Variants in CDH8 observed in about 807,000 individuals in gnomAD.
The protein encoded by CDH8 is cadherin-8.
Under a neutral mutation model 68.1 loss-of-function variants are expected in CDH8, and 17 were observed. The observed-to-expected ratio is 0.25, with a 90% confidence interval of 0.17 to 0.37. The LOEUF (loss-of-function observed/expected upper bound fraction) is 0.37, where lower values mean the gene tolerates loss of function less well. Among genes scored for constraint, CDH8 ranks in the 10% least tolerant of loss-of-function variants. The pLI is 1.00. For missense variants in CDH8, 763 were observed against 999.3 expected (o/e 0.76, Z 3.19); for synonymous variants, 372 against 365.1 (o/e 1.02, Z -0.21).
chr16:61,890,462 TAATA>T (rs1327214603), intron 3 of CDH8, among the ~76,000 whole-genome samples: 36 of 152,282 alleles, frequency 2.4e-4, no homozygotes, highest in Non-Finnish European at 2.4e-4. Flanking sequence ...TCTTTAATCT[TAATA>T]AATCTGAAAC....
At position 62,029,990 on chromosome 16, in the gene CDH8, A is replaced by C. The variant is rs1447213542; in HGVS notation, c.-200+6090T>G. ...CAGAGTCTCTTATACTGAAATTGAA[A>C]TGCAGCCAACGATCCTAGTATAAGT... On this transcript the variant is annotated intron_variant, in intron 1 of 11. Coordinates refer to ENST00000577390, the MANE Select transcript of CDH8 (RefSeq NM_001796.5). Among the ~76,000 whole-genome samples the C allele has an allele frequency of 2.6e-5, 4 of 152,210 alleles. No individual in the cohort carries two copies. The East Asian group carries it at 7.7e-4, about 29-fold the overall frequency.
At chr16:61,982,052 G>T (rs1965541160) in intron 2 of CDH8, among the ~76,000 whole-genome samples, 1 of 152,028 alleles carries the variant, frequency 6.6e-6, no homozygotes, top group Non-Finnish European at 1.5e-5. Flanking sequence ...CATGAACAAT[G>T]ATTAGCACAT....
intron 10 of CDH8, among the ~76,000 whole-genome samples, chr16:61,665,968 A>C (rs376734002): frequency 6.6e-6 from 1 of 151,858 alleles, no homozygotes; most frequent in Non-Finnish European, 1.5e-5. Context: ...GTCTGAAACT[A>C]TGAAATGGAA....
intron 10 of CDH8, among the ~76,000 whole-genome samples, chr16:61,712,058 A>G (rs1964641195): frequency 6.6e-6 from 1 of 151,802 alleles, no homozygotes; most frequent in Non-Finnish European, 1.5e-5. Context: ...TCTATTTTCC[A>G]GTTTCAAAAT....
At chr16:61,673,303 C>T (rs1418454005) in intron 10 of CDH8, among the ~76,000 whole-genome samples, 1 of 152,056 alleles carries the variant, frequency 6.6e-6, no homozygotes, top group Admixed American at 6.6e-5. Context: ...TCTCTATTGA[C>T]TGGAATATTT....
At chr16:61,730,342 T>C (rs879275477) in intron 8 of CDH8, among the ~76,000 whole-genome samples, 11 of 151,582 alleles carry the variant, frequency 7.3e-5, no homozygotes, top group Middle Eastern at 3.4e-3. Context: ...TTAGGAACAA[T>C]GTGGGATTAG....
intron 10 of CDH8, among the ~76,000 whole-genome samples, chr16:61,666,987 T>G (rs2142769378): frequency 6.6e-6 from 1 of 152,168 alleles, no homozygotes; most frequent in African/African-American, 2.4e-5. Flanking sequence ...TGGAAACAGT[T>G]GCAGTGTAAT....
intron 10 of CDH8, among the ~76,000 whole-genome samples, chr16:61,666,417 C>T (rs1366510314): frequency 2.0e-5 from 3 of 151,902 alleles, no homozygotes; most frequent in Non-Finnish European, 4.4e-5. Flanking sequence ...AACAGGCAAA[C>T]CCAAATTCTC....
At chr16:61,716,955 C>T (rs7196670) in intron 9 of CDH8, among the ~76,000 whole-genome samples, 18,555 of 151,608 alleles carry the variant, frequency 0.12, 1,150 homozygotes, top group African/African-American at 0.14. Flanking sequence ...CAGATTTGTT[C>T]AAAGAAATGT....
At chr16:61,901,538 C>T (rs951693130) in intron 2 of CDH8, 65 bp from the exon 3 acceptor site, 32 of 1,151,316 alleles carry the variant, frequency 2.8e-5, no homozygotes, top group Non-Finnish European at 3.8e-5. Context: ...TTAACTACCT[C>T]CTTTTTGAAT....
rs564951589 is a variant in CDH8, at chr16:61,998,158, C to A, written c.252+22994G>T. ...TGGAAAAAGGTTTAGAAGAAAAATG[C>A]AATATGCATGAAAAGATAATTAGGA... On this transcript the variant is annotated intron_variant, in intron 2 of 11. Coordinates refer to ENST00000577390, the MANE Select transcript of CDH8 (RefSeq NM_001796.5). 1.5e-3 allele frequency among the ~76,000 whole-genome samples: 234 copies of A among 151,896 alleles called. 3 individuals carry two copies. The highest frequency in any genetic ancestry group is 5.3e-3 in the African/African-American group (221 of 41,418).
At chr16:61,944,956 G>GA (rs200948535) in intron 2 of CDH8, among the ~76,000 whole-genome samples, 16 of 150,728 alleles carry the variant, frequency 1.1e-4, no homozygotes, top group South Asian at 4.2e-4. Context: ...ATAAAGGAAA[G>GA]AAAAAAAAAT....
intron 1 of CDH8, among the ~76,000 whole-genome samples, chr16:62,034,221 A>ACG (rs1902398159): frequency 2.7e-5 from 4 of 149,178 alleles, no homozygotes; most frequent in Admixed American, 2.7e-4. Flanking sequence ...ACACACACGC[A>ACG]CACGAAGAAA....
chr16:61,954,140 G>A (rs552698574), intron 2 of CDH8, among the ~76,000 whole-genome samples: 1 of 151,888 alleles, frequency 6.6e-6, no homozygotes, highest in East Asian at 2.0e-4. Flanking sequence ...AATGCACTAG[G>A]CTGAACTCTT....
chr16:61,907,508 G>C (rs918646871), intron 2 of CDH8, among the ~76,000 whole-genome samples: 7 of 151,716 alleles, frequency 4.6e-5, no homozygotes, highest in Admixed American at 2.0e-4. Flanking sequence ...GTGAGACCCT[G>C]TATCTAAAAA....
chr16:61,743,633 C>G (rs1959937394), intron 8 of CDH8, among the ~76,000 whole-genome samples: 1 of 152,084 alleles, frequency 6.6e-6, no homozygotes, highest in Non-Finnish European at 1.5e-5. Flanking sequence ...CACTATCATA[C>G]ATTTATTCTC....
chr16:61,876,547 T>A (rs2143090099), intron 3 of CDH8, among the ~76,000 whole-genome samples: 1 of 152,238 alleles, frequency 6.6e-6, no homozygotes, highest in African/African-American at 2.4e-5. Context: ...GGAAACTAGG[T>A]CTAAGCATGC....
chr16:61,673,566 A>G (rs1212348852), intron 10 of CDH8, among the ~76,000 whole-genome samples: 1 of 152,084 alleles, frequency 6.6e-6, no homozygotes, highest in Non-Finnish European at 1.5e-5. Flanking sequence ...TTAATGTTTT[A>G]TTCAATATGT....
At position 61,736,135 on chromosome 16, in the gene CDH8, G is replaced by GGAAGGAAGGAAGGAAGGAAGGAAGGAAC. The variant is rs1429418770; in HGVS notation, c.1415-8921_1415-8920insGTTCCTTCCTTCCTTCCTTCCTTCCTTC. ...AGAAAGGAAGGAAGGAAGGAAGGAA[G>GGAAGGAAGGAAGGAAGGAAGGAAGGAAC]GAAGGAAGGAAGGAAGGAAGGAAAG... On this transcript the variant is annotated intron_variant, in intron 8 of 11. Coordinates refer to ENST00000577390, the MANE Select transcript of CDH8 (RefSeq NM_001796.5). 1.6e-3 allele frequency among the ~76,000 whole-genome samples: 243 copies of GGAAGGAAGGAAGGAAGGAAGGAAGGAAC among 150,238 alleles called. 2 individuals are homozygous for GGAAGGAAGGAAGGAAGGAAGGAAGGAAC. Among genetic ancestry groups the GGAAGGAAGGAAGGAAGGAAGGAAGGAAC allele is most frequent in the Non-Finnish European group, 1.5e-3 (98 of 67,554 alleles).
Sources: allele counts gnomAD v4.1 joint callset (sites outside exome capture counted in the v4.1 genomes callset), GRCh38; gene constraint gnomAD v4.1.1; transcripts MANE v1.5; gene names NCBI Gene and HGNC (gene_info 2026-07-23, HGNC 2026-07-21).